Variants in UNC13C observed in about 807,000 individuals in gnomAD.
UNC13C encodes the protein protein unc-13 homolog C.
In UNC13C, 174 loss-of-function variants were observed where a neutral mutation model predicts 245.4. The ratio of observed to expected loss-of-function variants is 0.71; its 90% CI spans 0.63 to 0.80. UNC13C has a LOEUF of 0.80. Ranked by LOEUF, UNC13C falls within the 30% of genes least tolerant of loss-of-function variation. The probability of loss-of-function intolerance (pLI) is 0.00; values close to 1 mark genes in which losing one functional copy is unlikely to be tolerated. For synonymous variants in UNC13C, 992 were observed against 895.1 expected (o/e 1.11, Z -1.93); for missense variants, 2,829 against 2,602.9 (o/e 1.09, Z -1.89).
At chr15:53,981,252 G>A (rs1401141922) in intron 1 of UNC13C, among the ~76,000 whole-genome samples, 6 of 152,048 alleles carry the variant, frequency 3.9e-5, no homozygotes, top group Admixed American at 1.3e-4. Flanking sequence ...CAACATATAT[G>A]TTTCTGTTAT....
intron 8 of UNC13C, among the ~76,000 whole-genome samples, chr15:54,257,269 G>T (rs1567139442): frequency 1.3e-5 from 2 of 152,180 alleles, no homozygotes; most frequent in East Asian, 3.9e-4. Context: ...TGAAAATTGA[G>T]CACATTTTGA....
intron 4 of UNC13C, among the ~76,000 whole-genome samples, chr15:54,160,435 C>T (rs920718645): frequency 1.2e-4 from 18 of 150,664 alleles, no homozygotes; most frequent in Non-Finnish European, 2.2e-4. Context: ...ATGACACATG[C>T]TTGTTTCATA....
chr15:54,131,279 T>G (rs1330821369), intron 2 of UNC13C, among the ~76,000 whole-genome samples: 1 of 152,198 alleles, frequency 6.6e-6, no homozygotes, highest in African/African-American at 2.4e-5. Context: ...GACTGGATTT[T>G]CAAAAACAGA....
At chr15:54,529,157 G>A (rs1408836457) in intron 25 of UNC13C, among the ~76,000 whole-genome samples, 4 of 152,172 alleles carry the variant, frequency 2.6e-5, no homozygotes, top group East Asian at 3.9e-4. Flanking sequence ...CAAGAATGGT[G>A]TTGTCAACAG....
intron 30 of UNC13C, among the ~76,000 whole-genome samples, chr15:54,578,261 T>C (rs1898045536): frequency 6.6e-6 from 1 of 152,226 alleles, no homozygotes; most frequent in African/African-American, 2.4e-5. Flanking sequence ...GACTAAAATG[T>C]ACATATTTTT....
intron 4 of UNC13C, among the ~76,000 whole-genome samples, chr15:54,186,855 A>ATATATATATATATATATATATATATATC (rs549150061): frequency 6.8e-6 from 1 of 146,826 alleles, no homozygotes; most frequent in Non-Finnish European, 1.5e-5. Context: ...GTATATATAT[A>ATATATATATATATATATATATATATATC]TTTTGTTTTT....
rs539889687 is a variant in UNC13C at position 54,283,223 on chromosome 15, C to A, written c.3819-10672C>A. On this transcript the variant is annotated intron_variant, in intron 10 of 32. Coordinates refer to ENST00000260323, the MANE Select transcript of UNC13C (RefSeq NM_001080534.3). ...CAACCCTATCTGCCTAGGCATCTGGCTGCCTCCTGTCACTATCAATTATAT... is the reference window on the plus strand; with the variant it reads ...CAACCCTATCTGCCTAGGCATCTGGATGCCTCCTGTCACTATCAATTATAT... 2.0e-5 allele frequency among the ~76,000 whole-genome samples: 3 copies of A among 152,274 alleles called. No individual in the cohort carries two copies. The South Asian group carries it at 6.2e-4, about 32-fold the overall frequency.
intron 2 of UNC13C, among the ~76,000 whole-genome samples, chr15:54,040,388 C>A (rs1199777455): frequency 6.6e-6 from 1 of 152,070 alleles, no homozygotes; most frequent in Non-Finnish European, 1.5e-5. Flanking sequence ...CAGCATGATG[C>A]TATCACCTGG....
At chr15:54,431,801 T>C (rs570453837) in intron 19 of UNC13C, among the ~76,000 whole-genome samples, 2 of 151,664 alleles carry the variant, frequency 1.3e-5, no homozygotes, top group African/African-American at 4.8e-5. Context: ...TTCTTTAAGA[T>C]CATTTTAAAA....
chr15:54,102,502 T>C (rs779602711), intron 2 of UNC13C, among the ~76,000 whole-genome samples: 22 of 152,234 alleles, frequency 1.4e-4, no homozygotes, highest in Middle Eastern at 3.4e-3. Flanking sequence ...TTCCCTAAAC[T>C]CTTAAGGCAG....
intron 2 of UNC13C, among the ~76,000 whole-genome samples, chr15:54,060,048 T>G (rs1421453680): frequency 6.6e-6 from 1 of 152,146 alleles, no homozygotes; most frequent in Non-Finnish European, 1.5e-5. Flanking sequence ...ATTCAGGACA[T>G]AGGCATGGGC....
chr15:54,337,938 T>C (rs1398305820), intron 16 of UNC13C, among the ~76,000 whole-genome samples: 1 of 152,232 alleles, frequency 6.6e-6, no homozygotes, highest in Non-Finnish European at 1.5e-5. Flanking sequence ...TCCTCTGTTT[T>C]ACTTTTCAAC....
chr15:54,426,211 G>T (rs915787695), intron 19 of UNC13C, among the ~76,000 whole-genome samples: 5 of 151,118 alleles, frequency 3.3e-5, no homozygotes, highest in Non-Finnish European at 7.4e-5. Context: ...ATCTGGGCAT[G>T]ATTTCACTGG....
intron 18 of UNC13C, among the ~76,000 whole-genome samples, chr15:54,408,718 G>A (rs1444268368): frequency 6.6e-6 from 1 of 152,144 alleles, no homozygotes; most frequent in African/African-American, 2.4e-5. Context: ...ATTTTCAGTA[G>A]TTTGGTGTGT....
At chr15:54,028,604 C>G (rs1267176606) in intron 2 of UNC13C, among the ~76,000 whole-genome samples, 1 of 151,930 alleles carries the variant, frequency 6.6e-6, no homozygotes, top group Non-Finnish European at 1.5e-5. Flanking sequence ...TGGCATTTTT[C>G]CCAGTGCCCG....
intron 2 of UNC13C, among the ~76,000 whole-genome samples, chr15:54,082,828 G>A (rs1003235739): frequency 1.3e-5 from 2 of 152,146 alleles, no homozygotes; most frequent in African/African-American, 4.8e-5. Flanking sequence ...GTGCTTTTGT[G>A]GGGGCCAAGG....
chr15:54,078,494 C>T (rs909867603), intron 2 of UNC13C, among the ~76,000 whole-genome samples: 2 of 151,782 alleles, frequency 1.3e-5, no homozygotes, highest in African/African-American at 4.8e-5. Context: ...TCTTTGCCAA[C>T]AATTTTTTTT....
intron 16 of UNC13C, among the ~76,000 whole-genome samples, chr15:54,337,720 G>A (rs112147472): frequency 0.01 from 1,551 of 152,200 alleles, 21 homozygotes; most frequent in African/African-American, 0.035. Flanking sequence ...TTAAGGCAGC[G>A]TAAGGGAGCC....
At chr15:54,180,402 C>T (rs1427640877) in intron 4 of UNC13C, among the ~76,000 whole-genome samples, 1 of 151,978 alleles carries the variant, frequency 6.6e-6, no homozygotes, top group Non-Finnish European at 1.5e-5. Context: ...TCCAATCCAC[C>T]GTGGATGGGC....
Sources: gnomAD v4.1 joint callset for allele counts (sites outside exome capture counted in the v4.1 genomes callset) on GRCh38, gnomAD v4.1.1 for gene constraint, MANE v1.5 for transcripts, NCBI Gene and HGNC (gene_info 2026-07-23, HGNC 2026-07-21) for gene names.